XKR9: variants seen among roughly 807,000 people sequenced by gnomAD.
The protein encoded by XKR9 is XK related 9.
A neutral mutation model predicts 32.0 loss-of-function variants in XKR9; 32 were observed. That is an observed-to-expected ratio of 1.00 (90% CI 0.76 to 1.34). XKR9 has a LOEUF of 1.34. Among genes scored for constraint, XKR9 ranks in the 40% most tolerant of loss-of-function variants. The pLI, the probability that XKR9 is intolerant of heterozygous loss-of-function variation, is 0.00. For missense variants in XKR9, 546 were observed against 429.7 expected (o/e 1.27, Z -2.39); for synonymous variants, 168 against 143.4 (o/e 1.17, Z -1.22).
At chr8:70,736,238 GT>G (rs1402619518), downstream of XKR9, among the ~76,000 whole-genome samples, 1 of 152,132 alleles carries the variant, frequency 6.6e-6, no homozygotes, top group Admixed American at 6.6e-5. Flanking sequence ...TTTTTCATGT[GT>G]TTTTTGGTTG....
At chr8:70,960,295 T>C in the XKR9 span, among the ~76,000 whole-genome samples, 1 of 151,946 alleles carries the variant, frequency 6.6e-6, no homozygotes, top group African/African-American at 2.4e-5. Context: ...AGAGGCAAAA[T>C]TGTGTTTATG....
At chr8:70,804,240 G>A in the XKR9 span, among the ~76,000 whole-genome samples, 1 of 152,212 alleles carries the variant, frequency 6.6e-6, no homozygotes, top group Non-Finnish European at 1.5e-5. Context: ...GGGGGTAGGC[G>A]GGGTCACCTG....
At chr8:70,717,544 C>G (rs569393333) in intron 4 of XKR9, among the ~76,000 whole-genome samples, 36 of 152,282 alleles carry the variant, frequency 2.4e-4, no homozygotes, top group African/African-American at 8.4e-4. Flanking sequence ...CCCTTTTAGC[C>G]ATAGCTAGAG....
chr8:70,998,925 T>C, the XKR9 span, among the ~76,000 whole-genome samples: 2 of 152,232 alleles, frequency 1.3e-5, no homozygotes, highest in East Asian at 3.9e-4. Context: ...GGATGCTCAA[T>C]CCTCCATCTG....
chr8:70,986,888 G>A, the XKR9 span, among the ~76,000 whole-genome samples: 1 of 152,296 alleles, frequency 6.6e-6, no homozygotes, highest in African/African-American at 2.4e-5. Flanking sequence ...ACAGTTCCAC[G>A]TGGCTGTGGA....
At chr8:70,789,720 T>A (rs1807738821) in intron 3 of XKR9, among the ~76,000 whole-genome samples, 1 of 130,334 alleles carries the variant, frequency 7.7e-6, no homozygotes, top group African/African-American at 2.6e-5. Context: ...TATAGTTTTT[T>A]TTTAGTTAAT....
At chr8:70,714,687 T>G (rs1806032145) in intron 4 of XKR9, among the ~76,000 whole-genome samples, 1 of 152,174 alleles carries the variant, frequency 6.6e-6, no homozygotes, top group African/African-American at 2.4e-5. Context: ...TTTGAAGATT[T>G]TTTTTAGGTA....
the XKR9 span, among the ~76,000 whole-genome samples, chr8:71,027,779 C>T: frequency 8.5e-6 from 1 of 117,580 alleles, no homozygotes; most frequent in South Asian, 3.5e-4. Context: ...TTTTTTTTGG[C>T]GGGGGGGGGG....
chr8:70,766,838 A>G (rs1313476977), intron 2 of XKR9, among the ~76,000 whole-genome samples: 1 of 152,088 alleles, frequency 6.6e-6, no homozygotes, highest in East Asian at 1.9e-4. Context: ...GGCCTTTTCT[A>G]CATCAATTGA....
At chr8:70,993,422 C>A in the XKR9 span, among the ~76,000 whole-genome samples, 1 of 152,154 alleles carries the variant, frequency 6.6e-6, no homozygotes, top group Non-Finnish European at 1.5e-5. Flanking sequence ...AAGCCTGGTA[C>A]TCTGGCCTTC....
chr8:70,822,985 A>C, the XKR9 span, among the ~76,000 whole-genome samples: 2 of 152,202 alleles, frequency 1.3e-5, no homozygotes, highest in East Asian at 3.8e-4. Context: ...ATTAATAATA[A>C]TACATACTTT....
chr8:71,024,831 A>T, the XKR9 span, among the ~76,000 whole-genome samples: 1 of 151,878 alleles, frequency 6.6e-6, no homozygotes, highest in East Asian at 1.9e-4. Flanking sequence ...GTTTCTTGTC[A>T]CTTCTCTGCT....
the XKR9 span, among the ~76,000 whole-genome samples, chr8:70,909,486 A>G: frequency 6.6e-6 from 1 of 152,052 alleles, no homozygotes; most frequent in Non-Finnish European, 1.5e-5. Flanking sequence ...TACGTTTTGT[A>G]TAACATATAT....
intron 3 of XKR9, among the ~76,000 whole-genome samples, chr8:70,681,591 AT>A: frequency 1.3e-5 from 2 of 152,262 alleles, no homozygotes; most frequent in South Asian, 4.1e-4. Flanking sequence ...GGAAAAAGAC[AT>A]TTCTATGTCT....
chr8:70,887,977 A>G, the XKR9 span, among the ~76,000 whole-genome samples: 1 of 152,112 alleles, frequency 6.6e-6, no homozygotes, highest in African/African-American at 2.4e-5. Flanking sequence ...AGGAGTGGTA[A>G]GACAGGGCAT....
chr8:70,910,660 C>T, the XKR9 span, among the ~76,000 whole-genome samples: 943 of 152,278 alleles, frequency 6.2e-3, 8 homozygotes, highest in African/African-American at 0.018. Context: ...TTACTACAAA[C>T]GTTGCAGCTT....
chr8:70,749,360 G>A (rs748444191), intron 2 of XKR9, among the ~76,000 whole-genome samples: 1 of 152,224 alleles, frequency 6.6e-6, no homozygotes, highest in Admixed American at 6.5e-5. Context: ...AGACCTCAGG[G>A]CTCCCCAAGC....
the XKR9 span, among the ~76,000 whole-genome samples, chr8:70,869,718 T>C: frequency 5.9e-5 from 9 of 152,220 alleles, no homozygotes; most frequent in Non-Finnish European, 1.0e-4. Context: ...CTTAGAACTA[T>C]GTTTTAAGAC....
At position 70,707,043 on chromosome 8, in the gene XKR9, T is replaced by G; in HGVS notation, c.383T>G (p.Val128Gly). ...CTACATAAAGAAGTTATAGATAGAGTGACTGATTTGAGCATGCTCAGACTA... is the reference window on the plus strand; with the variant it reads ...CTACATAAAGAAGTTATAGATAGAGGGACTGATTTGAGCATGCTCAGACTA... ...IDLHKEVIDR[V>G]TDLSMLRLFE... Residue 128 changes from valine to glycine, a missense_variant, in exon 4 of 5, where the codon GTG becomes GGG. Physicochemically the swap from Val to Gly is moderately radical, Grantham distance 109. Transcript: ENST00000408926. 1 of 1,613,376 alleles carries G rather than the reference T, an allele frequency of 6.2e-7. No individual in the cohort carries two copies. Among genetic ancestry groups the G allele is most frequent in the Middle Eastern group, 1.7e-4 (1 of 6,058 alleles).
Sources: gnomAD v4.1 joint callset for allele counts (sites outside exome capture counted in the v4.1 genomes callset) on GRCh38, gnomAD v4.1.1 for gene constraint, MANE v1.5 for transcripts, NCBI Gene and HGNC (gene_info 2026-07-23, HGNC 2026-07-21) for gene names.